The following RARB variants were observed in gnomAD, a reference collection of about 807,000 sequenced individuals.
The protein encoded by RARB is retinoic acid receptor beta, also known as HBV-activated protein.
RARB carries 17 observed loss-of-function variants against 51.9 expected under a neutral mutation model. The ratio of observed to expected loss-of-function variants is 0.33; its 90% confidence interval spans 0.22 to 0.49. The LOEUF (loss-of-function observed/expected upper bound fraction) is 0.49. Among genes scored for constraint, RARB ranks in the 20% least tolerant of loss-of-function variants. The probability of loss-of-function intolerance (pLI) is 0.99; values close to 1 mark genes in which losing one functional copy is unlikely to be tolerated. For missense variants in RARB, 369 were observed against 550.8 expected (o/e 0.67, Z 3.30); for synonymous variants, 215 against 195.4 (o/e 1.10, Z -0.84).
chr3:25,494,260 C>CACACACACACACAA (rs1696905352), intron 2 of RARB, among the ~76,000 whole-genome samples: 1 of 147,006 alleles, frequency 6.8e-6, no homozygotes, highest in African/African-American at 2.5e-5. Flanking sequence ...TACGCACACA[C>CACACACACACACAA]ACACACACAC....
At chr3:24,974,698 T>C (rs1696472871) in intron 2 of RARB, among the ~76,000 whole-genome samples, 1 of 152,082 alleles carries the variant, frequency 6.6e-6, no homozygotes, top group African/African-American at 2.4e-5. Flanking sequence ...CCCTAAGCCT[T>C]AATAGAGAAA....
At chr3:25,174,579 A>G in intron 5 of RARB, 1 of 1,352,048 alleles carries the variant, frequency 7.4e-7, no homozygotes, top group Non-Finnish European at 9.8e-7. Context: ...CCGGCAAGTA[A>G]GTCCTGCTGG....
At chr3:25,312,421 T>G (rs1001515802) in intron 5 of RARB, among the ~76,000 whole-genome samples, 4 of 152,138 alleles carry the variant, frequency 2.6e-5, no homozygotes, top group African/African-American at 9.7e-5. Flanking sequence ...TTCAGGATTA[T>G]ACAGCTAATA....
At chr3:25,476,157 T>C (rs1050898085) in intron 2 of RARB, among the ~76,000 whole-genome samples, 9 of 152,308 alleles carry the variant, frequency 5.9e-5, no homozygotes, top group African/African-American at 2.2e-4. Flanking sequence ...AAAGCAGTCC[T>C]CTTGGCCTCA....
intron 1 of RARB, among the ~76,000 whole-genome samples, chr3:25,455,710 A>G (rs1694874235): frequency 6.6e-6 from 1 of 152,180 alleles, no homozygotes; most frequent in South Asian, 2.1e-4. Context: ...CACAGAGCCA[A>G]GCATCCATCT....
In RARB at chr3:25,570,015, C is replaced by T. The variant is rs1700648665; in HGVS notation, c.609+97C>T. On this transcript the variant is annotated intron_variant, in intron 4 of 7. Coordinates refer to ENST00000330688, the MANE Select transcript of RARB (RefSeq NM_000965.5). ...ACACACACACACACACACACACACA[C>T]ACACACTTTGCACTGGGCCTGGCAG... is the stretch of plus-strand genomic sequence containing the variant. 12 of 1,133,218 alleles carry T rather than the reference C, an allele frequency of 1.1e-5. No individual in the cohort carries two copies. The East Asian group carries it at 2.6e-4, about 25-fold the overall frequency. The allele number at this position is 1,133,218 out of a possible 1,614,324, so 70.2% of individuals were successfully genotyped here.
intron 5 of RARB, chr3:25,345,960 C>T (rs781632268): frequency 2.4e-5 from 20 of 822,030 alleles, no homozygotes; most frequent in Non-Finnish European, 2.9e-5. Flanking sequence ...CATGATTCTA[C>T]AAAGTCTGCA....
At chr3:25,149,572 T>C (rs1700249046) in intron 4 of RARB, among the ~76,000 whole-genome samples, 1 of 152,236 alleles carries the variant, frequency 6.6e-6, no homozygotes, top group African/African-American at 2.4e-5. Flanking sequence ...TTTACTCCAG[T>C]GCTGGAATGC....
intron 2 of RARB, among the ~76,000 whole-genome samples, chr3:25,479,253 A>C (rs1696112623): frequency 6.6e-6 from 1 of 152,084 alleles, no homozygotes. Flanking sequence ...TTACTTAAAA[A>C]CTACTCAGTG....
intron 2 of RARB, among the ~76,000 whole-genome samples, chr3:24,937,479 A>T (rs1024946605): frequency 2.0e-5 from 3 of 152,192 alleles, no homozygotes; most frequent in Non-Finnish European, 4.4e-5. Flanking sequence ...CCCCACCCAC[A>T]TGTACATATG....
At chr3:25,109,214 A>G (rs1354206908) in intron 3 of RARB, among the ~76,000 whole-genome samples, 2 of 152,224 alleles carry the variant, frequency 1.3e-5, no homozygotes, top group African/African-American at 2.4e-5. Context: ...TTAAATGCAT[A>G]TAAATATATT....
chr3:25,353,134 T>C (rs1705626954), intron 5 of RARB, among the ~76,000 whole-genome samples: 1 of 151,972 alleles, frequency 6.6e-6, no homozygotes, highest in African/African-American at 2.4e-5. Context: ...CTGCCTTTAC[T>C]TTAAAGTTTA....
At chr3:25,563,902 AAT>A (rs1313393160) in intron 3 of RARB, among the ~76,000 whole-genome samples, 1 of 152,072 alleles carries the variant, frequency 6.6e-6, no homozygotes, top group African/African-American at 2.4e-5. Flanking sequence ...TGCTAAGCTG[AAT>A]ATAGAGAACT....
intron 2 of RARB, among the ~76,000 whole-genome samples, chr3:24,932,270 T>C (rs1019011848): frequency 1.3e-5 from 2 of 151,996 alleles, no homozygotes; most frequent in African/African-American, 4.8e-5. Flanking sequence ...TATCTTGAAG[T>C]CACCATCCTA....
At chr3:25,190,680 T>G (rs192685987) in intron 5 of RARB, among the ~76,000 whole-genome samples, 1 of 152,282 alleles carries the variant, frequency 6.6e-6, no homozygotes, top group East Asian at 1.9e-4. Flanking sequence ...AAATGATAAA[T>G]GCCCTTCCTC....
intron 5 of RARB, among the ~76,000 whole-genome samples, chr3:25,331,323 G>A (rs531007686): frequency 1.3e-5 from 2 of 152,302 alleles, no homozygotes; most frequent in South Asian, 2.1e-4. Flanking sequence ...ATAACAGACT[G>A]TCTCTCAGAC....
intron 3 of RARB, among the ~76,000 whole-genome samples, chr3:25,562,307 A>T (rs1469572407): frequency 6.6e-6 from 1 of 151,796 alleles, no homozygotes; most frequent in Non-Finnish European, 1.5e-5. Flanking sequence ...GTGTGAGTTT[A>T]TTCCTGGTTA....
intron 5 of RARB, among the ~76,000 whole-genome samples, chr3:25,587,539 C>A (rs911815524): frequency 1.3e-5 from 2 of 152,098 alleles, no homozygotes; most frequent in African/African-American, 4.8e-5. Flanking sequence ...AAAACAATGG[C>A]TGCTAGAGTA....
chr3:24,880,394 G>C (rs1703136629), intron 2 of RARB, among the ~76,000 whole-genome samples: 1 of 152,026 alleles, frequency 6.6e-6, no homozygotes, highest in Admixed American at 6.6e-5. Context: ...TCCTTGGAGA[G>C]ATAAAAGAAG....
Sources: allele counts gnomAD v4.1 joint callset (sites outside exome capture counted in the v4.1 genomes callset), GRCh38; gene constraint gnomAD v4.1.1; transcripts MANE v1.5; gene names NCBI Gene and HGNC (gene_info 2026-07-23, HGNC 2026-07-21).